Variants in MLPH observed in about 807,000 individuals in gnomAD.
MLPH encodes the protein melanophilin, also known as exophilin-3.
Under a neutral mutation model 72.1 loss-of-function variants are expected in MLPH, and 51 were observed. The observed-to-expected ratio is 0.71, with a 90% CI of 0.56 to 0.89. The LOEUF (loss-of-function observed/expected upper bound fraction) is 0.89. MLPH is among the 40% of genes least tolerant of loss of function. The probability of loss-of-function intolerance (pLI) is 0.00; values close to 1 mark genes in which losing one functional copy is unlikely to be tolerated. For missense variants in MLPH, 743 were observed against 759.9 expected, an observed-to-expected ratio of 0.98 and a Z score of 0.26; for synonymous variants, 301 against 310.1, an observed-to-expected ratio of 0.97 and a Z score of 0.31.
chr2:237,527,273 TGTC>T (rs1226290494), intron 7 of MLPH, 101 bp from the exon 8 acceptor site: 2 of 1,419,410 alleles, frequency 1.4e-6, no homozygotes, highest in Non-Finnish European at 2.0e-6. Context: ...AACATCCTTA[TGTC>T]TTCATTTTCT....
chr2:237,502,311 A>G (rs113660180), intron 2 of MLPH, among the ~76,000 whole-genome samples: 4,638 of 152,322 alleles, frequency 0.03, 214 homozygotes, highest in African/African-American at 0.1. Flanking sequence ...GTTAATAGTC[A>G]CAGCTTTTAA....
chr2:237,528,914 C>T (rs1248355696), intron 8 of MLPH, among the ~76,000 whole-genome samples: 1 of 152,160 alleles, frequency 6.6e-6, no homozygotes, highest in Non-Finnish European at 1.5e-5. Flanking sequence ...TGAGGTCCAT[C>T]CATGCTGTAG....
At chr2:237,527,254 T>G in intron 7 of MLPH, 123 bp from the exon 8 acceptor site, 1 of 1,241,708 alleles carries the variant, frequency 8.1e-7, no homozygotes, top group South Asian at 1.2e-5. Context: ...ACCTCAGCCC[T>G]GTAACATGAA....
intron 11 of MLPH, among the ~76,000 whole-genome samples, chr2:237,542,219 C>T (rs556726475): frequency 7.6e-4 from 116 of 152,132 alleles, no homozygotes; most frequent in African/African-American, 2.1e-3. Context: ...TGGGAGTGGC[C>T]GACTGCTAGG....
intron 4 of MLPH, among the ~76,000 whole-genome samples, chr2:237,514,275 T>TC (rs1353695641): frequency 6.6e-6 from 1 of 152,152 alleles, no homozygotes; most frequent in African/African-American, 2.4e-5. Flanking sequence ...TTTTAATGTT[T>TC]TTTTTTAGAG....
intron 5 of MLPH, among the ~76,000 whole-genome samples, chr2:237,519,087 G>GTTTTTTT (rs397689972): frequency 4.3e-4 from 64 of 148,360 alleles, no homozygotes; most frequent in South Asian, 3.0e-3. Context: ...TGTTTTGTTT[G>GTTTTTTT]TTTTTTTTTG....
chr2:237,552,358 A>G lies in MLPH; in HGVS notation c.1697A>G (p.Asp566Gly), dbSNP rs760507815. 1 of 1,614,076 alleles carries G rather than the reference A, an allele frequency of 6.2e-7. No individual in the cohort carries two copies. Among genetic ancestry groups the G allele is most frequent in the Admixed American group, 1.7e-5 (1 of 60,006 alleles). ...AAAGGTAAAGATGATGATTCTTTTG[A>G]TCGGAAATCAGTGTACCGAGGCTCG... is the stretch of plus-strand genomic sequence containing the variant. ...KSQGKDDDSF[D>G]RKSVYRGSLT... Residue 566 changes from aspartate (D) to glycine (G), a missense_variant, in exon 15 of 16, where the codon GAT becomes GGT. Asp to Gly is a moderately conservative substitution (Grantham distance 94). Coordinates refer to ENST00000264605, the MANE Select transcript of MLPH (RefSeq NM_024101.7).
intron 6 of MLPH, among the ~76,000 whole-genome samples, chr2:237,522,868 A>G (rs967499518): frequency 3.9e-5 from 6 of 152,182 alleles, no homozygotes; most frequent in African/African-American, 1.4e-4. Context: ...AGCCAATATC[A>G]CCGATGCGGT....
intron 2 of MLPH, among the ~76,000 whole-genome samples, chr2:237,499,455 G>C (rs1368428918): frequency 6.6e-6 from 1 of 152,118 alleles, no homozygotes; most frequent in Non-Finnish European, 1.5e-5. Context: ...TTTGGACTAA[G>C]GTAGCAAAAG....
rs563621483 is a variant in MLPH at position 237,527,783 on chromosome 2, C to T, written c.1020+267C>T. The stretch of plus-strand genomic sequence containing the variant: ...TCCAACAATTCCACTTCTTGGTATA[C>T]ACCCCAAAAAATTGAAGACAGGGAC... On this transcript the variant is annotated intron_variant, in intron 8 of 15. Coordinates refer to ENST00000264605, the MANE Select transcript of MLPH (RefSeq NM_024101.7). The T allele has an allele frequency of 2.0e-5, 10 of 501,866 alleles. No homozygotes were observed. The East Asian group carries it at 3.4e-4, about 17-fold the overall frequency. The allele number at this position is 501,866 out of a possible 1,614,324, so 31.1% of individuals were successfully genotyped here.
At chr2:237,549,088 A>T in intron 13 of MLPH, 133 bp from the exon 14 acceptor site, 1 of 764,882 alleles carries the variant, frequency 1.3e-6, no homozygotes. Flanking sequence ...TAAAAGTTCA[A>T]ATATTGCTAG....
At chr2:237,499,441 C>T (rs950951773) in intron 2 of MLPH, among the ~76,000 whole-genome samples, 4 of 152,094 alleles carry the variant, frequency 2.6e-5, no homozygotes, top group African/African-American at 9.7e-5. Flanking sequence ...TTTGCAGAGG[C>T]CCATTTGGAC....
chr2:237,497,783 T>C (rs1392152684), intron 2 of MLPH, among the ~76,000 whole-genome samples: 1 of 152,220 alleles, frequency 6.6e-6, no homozygotes, highest in African/African-American at 2.4e-5. Context: ...GTCATCTGTG[T>C]GCTGCCGCCA....
chr2:237,545,514 G>A (rs2080897741), intron 12 of MLPH: 1 of 1,288,648 alleles, frequency 7.8e-7, no homozygotes, highest in Non-Finnish European at 1.0e-6. Context: ...CACACACCCT[G>A]ACAGTGTAAA....
chr2:237,538,090 A>G (rs1394299518), intron 9 of MLPH, among the ~76,000 whole-genome samples: 1 of 152,152 alleles, frequency 6.6e-6, no homozygotes, highest in Non-Finnish European at 1.5e-5. Flanking sequence ...ACAGGGAGCC[A>G]CTCTGCTCCC....
chr2:237,515,217 G>A (rs574314826), intron 4 of MLPH, among the ~76,000 whole-genome samples: 14 of 152,302 alleles, frequency 9.2e-5, no homozygotes, highest in African/African-American at 3.1e-4. Context: ...TACGGCACTC[G>A]GGGGCGGATG....
At chr2:237,515,069 A>T (rs1246857930) in intron 4 of MLPH, among the ~76,000 whole-genome samples, 1 of 152,204 alleles carries the variant, frequency 6.6e-6, no homozygotes, top group Non-Finnish European at 1.5e-5. Flanking sequence ...TAAATGGAAA[A>T]CTGTACAATG....
At chr2:237,526,410 G>A (rs968224012) in intron 7 of MLPH, among the ~76,000 whole-genome samples, 3 of 152,046 alleles carry the variant, frequency 2.0e-5, no homozygotes, top group Admixed American at 1.3e-4. Flanking sequence ...GGCTGCGTGC[G>A]GGAAAGCTGT....
intron 6 of MLPH, among the ~76,000 whole-genome samples, chr2:237,522,870 C>T (rs1323128361): frequency 3.9e-5 from 6 of 152,124 alleles, no homozygotes; most frequent in Non-Finnish European, 8.8e-5. Context: ...CCAATATCAC[C>T]GATGCGGTTG....
Sources: gnomAD v4.1 joint callset for allele counts (sites outside exome capture counted in the v4.1 genomes callset) on GRCh38, gnomAD v4.1.1 for gene constraint, MANE v1.5 for transcripts, NCBI Gene and HGNC (gene_info 2026-07-23, HGNC 2026-07-21) for gene names.